SLC22A25: variants seen among roughly 807,000 people sequenced by gnomAD.
SLC22A25 encodes solute carrier family 22 member 25.
Under a neutral mutation model 45.9 loss-of-function variants are expected in SLC22A25, and 44 were observed. That is an observed-to-expected ratio of 0.96 (90% confidence interval 0.75 to 1.23). The LOEUF (loss-of-function observed/expected upper bound fraction) is 1.23. Among genes scored for constraint, SLC22A25 ranks in the 50% most tolerant of loss-of-function variants. The pLI, the probability that SLC22A25 is intolerant of heterozygous loss-of-function variation, is 0.00. For synonymous variants in SLC22A25, 283 were observed against 238.6 expected, an observed-to-expected ratio of 1.19 and a Z score of -1.72; for missense variants, 800 against 666.4, an observed-to-expected ratio of 1.20 and a Z score of -2.21.
intron 3 of SLC22A25, among the ~76,000 whole-genome samples, chr11:63,232,562 A>G (rs1445134553): frequency 1.3e-5 from 2 of 152,174 alleles, no homozygotes; most frequent in African/African-American, 4.8e-5. Context: ...CTAGATATAC[A>G]ATCATGTCAT....
chr11:63,228,316 C>T, intron 5 of SLC22A25, 145 bp downstream of exon 5: 1 of 612,956 alleles, frequency 1.6e-6, no homozygotes, highest in South Asian at 2.1e-5. Context: ...CCACACTCAC[C>T]ATAATTTTCC....
At chr11:63,166,902 G>A (rs1022352877) in intron 9 of SLC22A25, 2 of 977,960 alleles carry the variant, frequency 2.0e-6, no homozygotes, top group African/African-American at 3.5e-5. Flanking sequence ...GGCCGAATAG[G>A]AAGAGCTCTG....
intron 9 of SLC22A25, chr11:63,166,511 T>A: frequency 8.3e-7 from 1 of 1,211,670 alleles, no homozygotes; most frequent in Non-Finnish European, 1.0e-6. Context: ...ATTTATTTAT[T>A]TTAAAAGCAA....
chr11:63,210,539 C>T (rs141185584), intron 7 of SLC22A25, among the ~76,000 whole-genome samples: 87 of 152,220 alleles, frequency 5.7e-4, no homozygotes, highest in East Asian at 1.4e-3. Context: ...GTCTAACACC[C>T]GAGTGTGGCA....
intron 1 of SLC22A25, among the ~76,000 whole-genome samples, chr11:63,242,356 C>T (rs1159224102): frequency 6.6e-6 from 1 of 152,178 alleles, no homozygotes; most frequent in African/African-American, 2.4e-5. Flanking sequence ...AGTAGGATAG[C>T]GTCTTTATCA....
chr11:63,200,587 A>G (rs2089207166), intron 7 of SLC22A25, among the ~76,000 whole-genome samples: 1 of 152,158 alleles, frequency 6.6e-6, no homozygotes, highest in South Asian at 2.1e-4. Flanking sequence ...TTTCCACTTG[A>G]AAACTGGCAC....
Position 63,229,399 on chromosome 11 carries a change from G to C in SLC22A25, c.254C>G (p.Pro85Arg). 1 of 1,614,104 alleles carries C rather than the reference G, an allele frequency of 6.2e-7. No individual in the cohort carries two copies. Among genetic ancestry groups the C allele is most frequent in the Non-Finnish European group, 8.5e-7 (1 of 1,179,984 alleles). The part of the protein sequence containing the change: ...ISIPFDSNLR[P>R]EKCRRFVHPQ... Reference sequence around the variant, plus strand: ...ATGGACAAAGCGACGACACTTCTCTGGCCTCAGATTTGAGTCGAATGGGAT... The same window carrying C: ...ATGGACAAAGCGACGACACTTCTCTCGCCTCAGATTTGAGTCGAATGGGAT... The change falls in exon 4 of 12, where the codon CCA (proline) becomes CGA (arginine). Residue 85 changes from proline to arginine, a missense_variant. Transcript: ENST00000306494.
intron 9 of SLC22A25, among the ~76,000 whole-genome samples, chr11:63,173,696 CTTCCTTATGTATACT>C (rs2087975294): frequency 6.6e-6 from 1 of 152,136 alleles, no homozygotes; most frequent in South Asian, 2.1e-4. Flanking sequence ...CCACAACCTA[CTTCCTTATGTATACT>C]GCTCACTGCC....
chr11:63,180,124 C>T (rs565012868), intron 9 of SLC22A25, among the ~76,000 whole-genome samples: 1 of 152,218 alleles, frequency 6.6e-6, no homozygotes, highest in South Asian at 2.1e-4. Flanking sequence ...AATGTCTTGT[C>T]TCAGTTTTGA....
intron 3 of SLC22A25, among the ~76,000 whole-genome samples, chr11:63,231,298 C>T (rs1180606710): frequency 5.9e-5 from 9 of 152,184 alleles, no homozygotes. Context: ...TTTTCCACAT[C>T]CTCTCCAGCA....
chr11:63,231,614 G>C (rs937949005), intron 3 of SLC22A25, among the ~76,000 whole-genome samples: 4 of 152,076 alleles, frequency 2.6e-5, no homozygotes, highest in African/African-American at 9.7e-5. Flanking sequence ...TCACTCTGAT[G>C]GTAGTTTCTT....
In SLC22A25 at chr11:63,217,430, A is replaced by G. The variant is rs776740602; in HGVS notation, c.714T>C (p.Leu238=). The change falls in exon 7 of 12, where the codon CTT becomes CTC. Residue 238 remains leucine, a synonymous_variant. Transcript: ENST00000306494. ...QFCAMALTLT[L]CAASIGHITL... Reference sequence around the variant, plus strand: ...TTATATGTCCAATACTAGCAGCACAAAGTGTCAATGTCAATGCCATGGCAC... The same window carrying G: ...TTATATGTCCAATACTAGCAGCACAGAGTGTCAATGTCAATGCCATGGCAC... 2 of 1,614,108 alleles carry G rather than the reference A, an allele frequency of 1.2e-6. No individual in the cohort carries two copies. The highest frequency in any genetic ancestry group is 8.5e-7 in the Non-Finnish European group (1 of 1,180,016).
intron 7 of SLC22A25, among the ~76,000 whole-genome samples, chr11:63,199,115 C>T (rs1265540500): frequency 6.6e-6 from 1 of 151,768 alleles, no homozygotes; most frequent in Admixed American, 6.6e-5. Context: ...AATAAAGATT[C>T]ATTTTTTGAA....
At chr11:63,180,168 T>C (rs1035165897) in intron 9 of SLC22A25, among the ~76,000 whole-genome samples, 1 of 152,186 alleles carries the variant, frequency 6.6e-6, no homozygotes, top group African/African-American at 2.4e-5. Context: ...CCAGTCATTA[T>C]TTAATCAGTG....
chr11:63,172,362 T>C (rs1219201472), intron 9 of SLC22A25, among the ~76,000 whole-genome samples: 2 of 152,120 alleles, frequency 1.3e-5, no homozygotes, highest in South Asian at 2.1e-4. Context: ...ACAGGCAACC[T>C]ACAGAATGGG....
intron 9 of SLC22A25, 44 bp downstream of exon 9, chr11:63,180,616 G>A (rs527338315): frequency 2.3e-6 from 3 of 1,326,280 alleles, no homozygotes; most frequent in African/African-American, 1.5e-5. Flanking sequence ...ATGGATTTAT[G>A]TCTCCTCTAT....
At chr11:63,191,183 G>C (rs765631533) in intron 7 of SLC22A25, among the ~76,000 whole-genome samples, 2 of 152,202 alleles carry the variant, frequency 1.3e-5, no homozygotes, top group Admixed American at 6.5e-5. Flanking sequence ...CTCAAGCTGC[G>C]GTGGGCTCCA....
intron 2 of SLC22A25, among the ~76,000 whole-genome samples, chr11:63,238,472 C>T (rs559159426): frequency 1.3e-5 from 2 of 152,256 alleles, no homozygotes; most frequent in African/African-American, 4.8e-5. Context: ...ACATGAAATA[C>T]TTGCCTAAAC....
chr11:63,238,510 A>G (rs557933897), intron 2 of SLC22A25, among the ~76,000 whole-genome samples: 6 of 152,382 alleles, frequency 3.9e-5, no homozygotes, highest in East Asian at 1.9e-4. Flanking sequence ...TGAAAGCACT[A>G]TGATAGCAGT....
Sources: gnomAD v4.1 joint callset for allele counts (sites outside exome capture counted in the v4.1 genomes callset) on GRCh38, gnomAD v4.1.1 for gene constraint, MANE v1.5 for transcripts, NCBI Gene and HGNC (gene_info 2026-07-23, HGNC 2026-07-21) for gene names.